CLASP2: variants seen among roughly 807,000 people sequenced by gnomAD.
The protein encoded by CLASP2 is CLIP-associating protein 2.
Under a neutral mutation model 194.4 loss-of-function variants are expected in CLASP2, and 47 were observed. The observed-to-expected ratio is 0.24, with a 90% CI of 0.19 to 0.31. CLASP2 has a LOEUF of 0.31. Among genes scored for constraint, CLASP2 ranks in the 10% least tolerant of loss-of-function variants. The pLI, the probability that CLASP2 is intolerant of heterozygous loss-of-function variation, is 1.00. For missense variants in CLASP2, 1,445 were observed against 1,823.6 expected (o/e 0.79, Z 3.78); for synonymous variants, 619 against 633.5 (o/e 0.98, Z 0.34).
chr3:33,675,400 A>G (rs1164938142), intron 6 of CLASP2, among the ~76,000 whole-genome samples: 1 of 151,990 alleles, frequency 6.6e-6, no homozygotes, highest in Non-Finnish European at 1.5e-5. Flanking sequence ...TTCATGCTAA[A>G]AACTCTCAAT....
chr3:33,670,128 A>G (rs2086889781), intron 6 of CLASP2, among the ~76,000 whole-genome samples: 1 of 152,176 alleles, frequency 6.6e-6, no homozygotes, highest in Admixed American at 6.5e-5. Context: ...ATACACACAC[A>G]CACGTAAAAA....
At chr3:33,545,035 T>A in intron 30 of CLASP2, 194 bp from the exon 31 acceptor site, 5 of 410,346 alleles carry the variant, frequency 1.2e-5, no homozygotes, top group Non-Finnish European at 1.7e-5. Context: ...TTTTTTTTTT[T>A]AAGGTAAGAA....
At chr3:33,601,681 T>A (rs1384926012) in intron 18 of CLASP2, among the ~76,000 whole-genome samples, 1 of 152,362 alleles carries the variant, frequency 6.6e-6, no homozygotes, top group African/African-American at 2.4e-5. Context: ...AGTTGCTTTA[T>A]GTTTTTAATG....
intron 21 of CLASP2, chr3:33,588,667 A>G (rs1370154141): frequency 1.4e-6 from 1 of 700,604 alleles, no homozygotes; most frequent in Non-Finnish European, 2.6e-6. Flanking sequence ...ATAGGTGATC[A>G]AACAACAGAT....
intron 2 of CLASP2, among the ~76,000 whole-genome samples, chr3:33,696,488 C>T (rs1356309947): frequency 7.4e-5 from 10 of 135,048 alleles, no homozygotes; most frequent in Non-Finnish European, 4.6e-5. Context: ...TTTTTTGAGA[C>T]AGAGTCTTGC....
chr3:33,717,694 T>C, intron 1 of CLASP2, 114 bp downstream of exon 1: 1 of 1,150,156 alleles, frequency 8.7e-7, no homozygotes, highest in Non-Finnish European at 1.2e-6. Context: ...CAAAGTGTGT[T>C]TCCCCTCTTA....
chr3:33,506,300 C>T (rs569555202), intron 37 of CLASP2, among the ~76,000 whole-genome samples: 2 of 130,702 alleles, frequency 1.5e-5, no homozygotes, highest in African/African-American at 5.6e-5. Flanking sequence ...ATTGCTTGAA[C>T]ACAGGAGGCA....
chr3:33,660,502 T>C (rs1364307593), intron 7 of CLASP2, among the ~76,000 whole-genome samples: 1 of 152,222 alleles, frequency 6.6e-6, no homozygotes, highest in Non-Finnish European at 1.5e-5. Flanking sequence ...ACAAATCCTT[T>C]GGTTTCTTGT....
chr3:33,635,249 G>A (rs1043504753), intron 8 of CLASP2, among the ~76,000 whole-genome samples: 1 of 151,778 alleles, frequency 6.6e-6, no homozygotes, highest in Non-Finnish European at 1.5e-5. Flanking sequence ...CTGGGTGACA[G>A]AGCGAGACTC....
At chr3:33,672,149 G>C (rs1037731399) in intron 6 of CLASP2, among the ~76,000 whole-genome samples, 1 of 152,208 alleles carries the variant, frequency 6.6e-6, no homozygotes, top group Admixed American at 6.5e-5. Flanking sequence ...CCTCAAGTGG[G>C]TCCCTGACCC....
chr3:33,591,337 G>C (rs557818672), intron 21 of CLASP2, among the ~76,000 whole-genome samples: 50 of 152,242 alleles, frequency 3.3e-4, no homozygotes, highest in Non-Finnish European at 6.8e-4. Context: ...ATGAGGCCAG[G>C]AATGGTGGCT....
chr3:33,644,823 T>C lies in CLASP2; in HGVS notation c.796A>G (p.Lys266Glu). 1 of 1,612,962 alleles carries C rather than the reference T, an allele frequency of 6.2e-7. No homozygotes were observed. The highest frequency in any genetic ancestry group is 8.5e-7 in the Non-Finnish European group (1 of 1,179,442). Residue 266 changes from lysine (K) to glutamate (E), a missense_variant, in exon 8 of 39, where the codon AAA becomes GAA. Lys to Glu is a moderately conservative substitution (Grantham distance 56). Transcript: ENST00000682230. ...CTGTTGGCAGGATTTCCGGATGTTTTAGGTGCAGGAACCTTGAAGGCTGAT... is the reference window on the plus strand; with the variant it reads ...CTGTTGGCAGGATTTCCGGATGTTTCAGGTGCAGGAACCTTGAAGGCTGAT... ...AASAFKVPAP[K>E]TSGNPANSAR...
chr3:33,538,748 CAAT>C, intron 33 of CLASP2, 38 bp downstream of exon 33: 1 of 1,447,396 alleles, frequency 6.9e-7, no homozygotes, highest in Non-Finnish European at 9.2e-7. Flanking sequence ...TATTAATGAA[CAAT>C]AAAATAGTCT....
chr3:33,560,951 C>A lies in CLASP2; in HGVS notation c.2787G>T (p.Glu929Asp), dbSNP rs749430986. ...GGACTTGTATGAAATCCACTAGAGT[C>A]TCCAAAAACATGCTGAATACCTACA... Reference protein sequence around the residue: ...HGKRVFSMFLETLVDFIQVHK... With the variant: ...HGKRVFSMFLDTLVDFIQVHK... The change falls in exon 28 of 39, where the codon GAG becomes GAT. Residue 929 changes from glutamate (E) to aspartate (D), a missense_variant. Transcript: ENST00000682230. The A allele has an allele frequency of 1.4e-5, 23 of 1,613,504 alleles. No individual in the cohort carries two copies. The South Asian group carries it at 2.5e-4, about 18-fold the overall frequency.
intron 6 of CLASP2, among the ~76,000 whole-genome samples, chr3:33,681,182 G>A (rs1161702920): frequency 6.6e-6 from 1 of 150,384 alleles, no homozygotes; most frequent in African/African-American, 2.4e-5. Context: ...AAGATATAAT[G>A]TATACATACA....
intron 6 of CLASP2, among the ~76,000 whole-genome samples, chr3:33,666,819 C>T (rs72858352): frequency 2.0e-5 from 3 of 152,126 alleles, no homozygotes; most frequent in Non-Finnish European, 4.4e-5. Context: ...TTTACATTCC[C>T]AATGGCAATG....
intron 7 of CLASP2, among the ~76,000 whole-genome samples, chr3:33,647,632 C>A (rs1429261814): frequency 4.6e-5 from 7 of 152,164 alleles, no homozygotes; most frequent in Non-Finnish European, 8.8e-5. Flanking sequence ...TGTAAACAAA[C>A]GAGTGCAGTT....
At chr3:33,627,107 CAAT>C in intron 9 of CLASP2, 27 bp from the exon 10 acceptor site, 4 of 1,305,676 alleles carry the variant, frequency 3.1e-6, no homozygotes, top group Non-Finnish European at 4.3e-6. Flanking sequence ...AGAATTATAA[CAAT>C]GTTTCTTGCC....
chr3:33,606,912 C>T (rs1011695476), intron 15 of CLASP2, among the ~76,000 whole-genome samples, 154 bp from the exon 16 acceptor site: 1 of 152,170 alleles, frequency 6.6e-6, no homozygotes, highest in East Asian at 1.9e-4. Context: ...TGAACAAGTT[C>T]CAGTGGAAAG....
Sources: allele counts gnomAD v4.1 joint callset (sites outside exome capture counted in the v4.1 genomes callset), GRCh38; gene constraint gnomAD v4.1.1; transcripts MANE v1.5; gene names NCBI Gene and HGNC (gene_info 2026-07-23, HGNC 2026-07-21).